Variants in PEX14 observed in about 807,000 individuals in gnomAD.
The protein encoded by PEX14 is peroxisomal biogenesis factor 14.
PEX14 carries 15 observed loss-of-function variants against 49.5 expected under a neutral mutation model. That is an observed-to-expected ratio of 0.30 (90% CI 0.20 to 0.47). The LOEUF (loss-of-function observed/expected upper bound fraction) is 0.47, where lower values mean the gene tolerates loss of function less well. Ranked by LOEUF, PEX14 falls within the 20% of genes least tolerant of loss-of-function variation. The pLI is 1.00. For synonymous variants in PEX14, 210 were observed against 212.7 expected, an observed-to-expected ratio of 0.99 and a Z score of 0.11; for missense variants, 398 against 494.8, an observed-to-expected ratio of 0.80 and a Z score of 1.86.
chr1:10,581,505 C>T (rs958248526), intron 3 of PEX14, among the ~76,000 whole-genome samples: 1 of 151,334 alleles, frequency 6.6e-6, no homozygotes, highest in Non-Finnish European at 1.5e-5. Context: ...AGGATTTCAC[C>T]ATCTTGGCCA....
At chr1:10,615,970 G>A (rs1641403330) in intron 4 of PEX14, among the ~76,000 whole-genome samples, 1 of 152,196 alleles carries the variant, frequency 6.6e-6, no homozygotes, top group South Asian at 2.1e-4. Context: ...CGTGCTACCT[G>A]TTCAAAAAGT....
intron 2 of PEX14, among the ~76,000 whole-genome samples, chr1:10,531,035 G>C (rs1231006424): frequency 6.6e-6 from 1 of 152,156 alleles, no homozygotes; most frequent in Non-Finnish European, 1.5e-5. Flanking sequence ...GCTAGAAAGA[G>C]AGCGTGTAGA....
intron 3 of PEX14, among the ~76,000 whole-genome samples, chr1:10,564,850 G>C (rs966007999): frequency 2.0e-5 from 3 of 150,268 alleles, no homozygotes; most frequent in Admixed American, 6.6e-5. Flanking sequence ...GGCTATCTAT[G>C]AGTTTGGGTT....
At chr1:10,490,793 C>T (rs1382366290) in intron 1 of PEX14, among the ~76,000 whole-genome samples, 2 of 151,322 alleles carry the variant, frequency 1.3e-5, no homozygotes. Context: ...CCTCAACCTC[C>T]TGGGCTCAGT....
chr1:10,600,708 ACT>A (rs1191408489), intron 4 of PEX14, among the ~76,000 whole-genome samples: 1 of 152,038 alleles, frequency 6.6e-6, no homozygotes, highest in Admixed American at 6.5e-5. Context: ...ACAGAGTGAG[ACT>A]CTGTCTCAAA....
At chr1:10,606,120 A>C (rs1286066611) in intron 4 of PEX14, among the ~76,000 whole-genome samples, 1 of 152,248 alleles carries the variant, frequency 6.6e-6, no homozygotes, top group Non-Finnish European at 1.5e-5. Flanking sequence ...ACTCCAAACA[A>C]GAGTGGCTTA....
intron 2 of PEX14, among the ~76,000 whole-genome samples, chr1:10,530,867 C>G (rs1638629276): frequency 6.6e-6 from 1 of 152,164 alleles, no homozygotes; most frequent in Non-Finnish European, 1.5e-5. Flanking sequence ...CATTTGCCCT[C>G]CTGCCACACT....
intron 2 of PEX14, among the ~76,000 whole-genome samples, chr1:10,530,256 A>G (rs1451869537): frequency 6.6e-6 from 1 of 152,236 alleles, no homozygotes; most frequent in African/African-American, 2.4e-5. Context: ...AAAAATTGAA[A>G]ATAAAAGAGG....
At chr1:10,611,700 T>C (rs1321793303) in intron 4 of PEX14, among the ~76,000 whole-genome samples, 1 of 152,242 alleles carries the variant, frequency 6.6e-6, no homozygotes, top group African/African-American at 2.4e-5. Context: ...AATGGAACCT[T>C]ATTGTATAGT....
intron 2 of PEX14, among the ~76,000 whole-genome samples, chr1:10,527,078 G>C (rs954015846): frequency 6.6e-6 from 1 of 151,908 alleles, no homozygotes; most frequent in Admixed American, 6.6e-5. Context: ...GCCAAGCGTG[G>C]TGGCATGTGC....
intron 3 of PEX14, among the ~76,000 whole-genome samples, chr1:10,566,493 CTTT>C (rs56355612): frequency 6.9e-6 from 1 of 145,720 alleles, no homozygotes; most frequent in Non-Finnish European, 1.5e-5. Flanking sequence ...TTATGACTTC[CTTT>C]TTTTTTTTTG....
intron 2 of PEX14, chr1:10,535,909 C>T: frequency 2.5e-6 from 1 of 394,918 alleles, no homozygotes; most frequent in Non-Finnish European, 4.8e-6. Flanking sequence ...ATGGCCACAC[C>T]TGCCGGGGAG....
chr1:10,585,730 G>A (rs1468773964), intron 3 of PEX14, among the ~76,000 whole-genome samples: 18 of 152,154 alleles, frequency 1.2e-4, no homozygotes, highest in Admixed American at 1.2e-3. Flanking sequence ...GACCAGCCTG[G>A]CCAACATGGC....
At chr1:10,588,448 C>T (rs1240791121) in intron 3 of PEX14, among the ~76,000 whole-genome samples, 2 of 152,140 alleles carry the variant, frequency 1.3e-5, no homozygotes, top group Admixed American at 1.3e-4. Context: ...AAAGTGGACC[C>T]CCTTTATCCA....
intron 3 of PEX14, among the ~76,000 whole-genome samples, chr1:10,570,164 A>G (rs914151796): frequency 6.6e-6 from 1 of 151,886 alleles, no homozygotes; most frequent in African/African-American, 2.4e-5. Flanking sequence ...TTTCCTGGGT[A>G]TTGAATGATT....
chr1:10,478,877 C>T (rs1272138104), intron 1 of PEX14, among the ~76,000 whole-genome samples: 1 of 151,892 alleles, frequency 6.6e-6, no homozygotes, highest in Non-Finnish European at 1.5e-5. Context: ...TCCAGAGTAG[C>T]TGGGACTACA....
chr1:10,545,719 A>G (rs1023956754), intron 3 of PEX14, among the ~76,000 whole-genome samples: 3 of 152,188 alleles, frequency 2.0e-5, no homozygotes, highest in Non-Finnish European at 4.4e-5. Context: ...GATTAATGAT[A>G]ATATTTACTG....
chr1:10,508,646 T>C (rs1019495534), intron 2 of PEX14, among the ~76,000 whole-genome samples: 2 of 152,174 alleles, frequency 1.3e-5, no homozygotes, highest in Admixed American at 6.5e-5. Context: ...GCTGTGTGGC[T>C]GAGGCAGGTG....
chr1:10,590,453 G>T (rs1308148253), intron 3 of PEX14, among the ~76,000 whole-genome samples: 1 of 151,898 alleles, frequency 6.6e-6, no homozygotes, highest in Admixed American at 6.6e-5. Context: ...TTGACATTTT[G>T]TTATCAATAT....
Sources: gnomAD v4.1 joint callset for allele counts (sites outside exome capture counted in the v4.1 genomes callset) on GRCh38, gnomAD v4.1.1 for gene constraint, MANE v1.5 for transcripts, NCBI Gene and HGNC (gene_info 2026-07-23, HGNC 2026-07-21) for gene names.